The following VWA8 variants were observed in gnomAD, a reference collection of about 807,000 sequenced individuals.
VWA8 encodes the protein von Willebrand factor A domain containing 8.
VWA8 carries 221 observed loss-of-function variants against 241.5 expected under a neutral mutation model. The ratio of observed to expected loss-of-function variants is 0.91; its 90% CI spans 0.82 to 1.02. The LOEUF (loss-of-function observed/expected upper bound fraction) is 1.02, where lower values mean the gene tolerates loss of function less well. Ranked by LOEUF, VWA8 falls within the 50% of genes least tolerant of loss-of-function variation. VWA8 has a pLI of 0.00. For missense variants in VWA8, 2,322 were observed against 2,328.7 expected (o/e 1.00, Z 0.06); for synonymous variants, 852 against 827.1 (o/e 1.03, Z -0.52).
At chr13:41,839,010 T>C (rs1010653384) in intron 12 of VWA8, among the ~76,000 whole-genome samples, 2 of 152,190 alleles carry the variant, frequency 1.3e-5, no homozygotes, top group Non-Finnish European at 2.9e-5. Flanking sequence ...GGTTATATAC[T>C]GAGTAATGGG....
intron 2 of VWA8, among the ~76,000 whole-genome samples, chr13:41,948,952 A>T (rs1326138965): frequency 6.6e-6 from 1 of 151,832 alleles, no homozygotes; most frequent in African/African-American, 2.4e-5. Flanking sequence ...TGAGAAAAAA[A>T]ATACATACAC....
rs148467529 is a variant in VWA8 at position 41,716,978 on chromosome 13, G to A, written c.3116+2613C>T. Among the ~76,000 whole-genome samples, 863 of 151,870 alleles carry A rather than the reference G, an allele frequency of 5.7e-3. 9 individuals are homozygous for A. Among genetic ancestry groups the A allele is most frequent in the African/African-American group, 0.02 (814 of 41,444 alleles). ...GATTACCATCAACAGTACACTACTTGGGGGGCAGGGGTGGAAAGGGGGAAT... is the reference window on the plus strand; with the variant it reads ...GATTACCATCAACAGTACACTACTTAGGGGGCAGGGGTGGAAAGGGGGAAT... On this transcript the variant is annotated intron_variant, in intron 26 of 44. Coordinates refer to ENST00000379310, the MANE Select transcript of VWA8 (RefSeq NM_015058.2).
chr13:41,950,618 T>G (rs1018497127), intron 1 of VWA8, among the ~76,000 whole-genome samples: 3 of 151,642 alleles, frequency 2.0e-5, no homozygotes, highest in African/African-American at 7.3e-5. Flanking sequence ...TCTGCCCGCC[T>G]TGGCCTCCCA....
At chr13:41,655,149 G>A (rs892860814) in intron 37 of VWA8, among the ~76,000 whole-genome samples, 3 of 151,566 alleles carry the variant, frequency 2.0e-5, no homozygotes, top group African/African-American at 7.3e-5. Flanking sequence ...GAGTGCAGCG[G>A]CATGCTCTTG....
chr13:41,722,648 A>G (rs1022591546), intron 24 of VWA8, among the ~76,000 whole-genome samples: 3 of 152,160 alleles, frequency 2.0e-5, no homozygotes, highest in Non-Finnish European at 4.4e-5. Flanking sequence ...TCATTCATTT[A>G]CTCATCAAAT....
intron 14 of VWA8, among the ~76,000 whole-genome samples, chr13:41,822,243 A>G (rs1870989678): frequency 6.6e-6 from 1 of 152,194 alleles, no homozygotes; most frequent in African/African-American, 2.4e-5. Context: ...ATCCTATGGT[A>G]CATTTTCATT....
chr13:41,883,309 G>T, intron 9 of VWA8, 78 bp downstream of exon 9: 1 of 1,113,466 alleles, frequency 9.0e-7, no homozygotes, highest in Non-Finnish European at 1.3e-6. Context: ...GGTGGGGAAA[G>T]GAGTGAGGGG....
intron 21 of VWA8, among the ~76,000 whole-genome samples, chr13:41,744,089 A>C (rs1428738061): frequency 6.6e-6 from 1 of 152,160 alleles, no homozygotes; most frequent in Admixed American, 6.5e-5. Context: ...AGGGTGAAAA[A>C]GGCTGGCACT....
chr13:41,865,942 T>C lies in VWA8; in HGVS notation c.1307A>G (p.Gln436Arg), dbSNP rs1873273773. 1.2e-6 allele frequency: 2 copies of C among 1,614,266 alleles called. No homozygotes were observed. The highest frequency in any genetic ancestry group is 1.7e-6 in the Non-Finnish European group (2 of 1,180,040). ...SHKQLQAEMMQSHMVKDICLI... is the reference protein window; with the variant it reads ...SHKQLQAEMMRSHMVKDICLI... ...ACATATATCTTTAACCATGTGAGAC[T>C]GCATCATTTCAGCCTGTAGCTGCTT... Residue 436 changes from glutamine to arginine, a missense_variant, in exon 11 of 45, where the codon CAG becomes CGG. Physicochemically the swap from Gln to Arg is conservative, Grantham distance 43 (BLOSUM62 1). Transcript: ENST00000379310.
At chr13:41,911,130 C>T (rs1875976181) in intron 3 of VWA8, among the ~76,000 whole-genome samples, 1 of 143,294 alleles carries the variant, frequency 7.0e-6, no homozygotes, top group South Asian at 2.1e-4. Flanking sequence ...ATGGCACGAT[C>T]TTGGCTCACT....
chr13:41,927,636 T>C (rs766344618), intron 2 of VWA8, among the ~76,000 whole-genome samples: 1 of 148,738 alleles, frequency 6.7e-6, no homozygotes, highest in African/African-American at 2.5e-5. Context: ...GAGAAAGAAA[T>C]CAAAGCATAG....
chr13:41,672,292 T>C (rs764088339), intron 36 of VWA8, among the ~76,000 whole-genome samples: 1 of 152,230 alleles, frequency 6.6e-6, no homozygotes, highest in African/African-American at 2.4e-5. Flanking sequence ...CTGACATCTG[T>C]ATATGTGTGT....
intron 37 of VWA8, among the ~76,000 whole-genome samples, chr13:41,623,319 A>G (rs1192519084): frequency 2.0e-5 from 3 of 152,164 alleles, no homozygotes; most frequent in Non-Finnish European, 4.4e-5. Context: ...CTATGCCCCA[A>G]TGACATTGTT....
intron 21 of VWA8, among the ~76,000 whole-genome samples, chr13:41,735,615 A>G (rs542720610): frequency 2.4e-4 from 37 of 152,256 alleles, no homozygotes; most frequent in African/African-American, 7.9e-4. Flanking sequence ...CTAGTACATA[A>G]AAAAAGCAAA....
intron 20 of VWA8, among the ~76,000 whole-genome samples, chr13:41,773,384 G>A (rs1240652207): frequency 6.6e-6 from 1 of 152,156 alleles, no homozygotes; most frequent in African/African-American, 2.4e-5. Context: ...AATGAAACAA[G>A]GCATTTTTTA....
chr13:41,615,204 G>C, intron 37 of VWA8, 120 bp from the exon 38 acceptor site: 1 of 957,330 alleles, frequency 1.0e-6, no homozygotes, highest in Non-Finnish European at 1.5e-6. Context: ...CAGGCCACTG[G>C]ACTTGATAAA....
intron 37 of VWA8, among the ~76,000 whole-genome samples, chr13:41,670,501 A>G (rs1338059155): frequency 6.6e-6 from 1 of 150,432 alleles, no homozygotes; most frequent in African/African-American, 2.5e-5. Context: ...TTGGATGCAT[A>G]TTTTTGCTCA....
chr13:41,902,430 C>A (rs768320943), intron 4 of VWA8, among the ~76,000 whole-genome samples: 9 of 152,116 alleles, frequency 5.9e-5, no homozygotes, highest in Non-Finnish European at 1.2e-4. Context: ...TTTTTCAGTT[C>A]TTTCGTATGC....
At chr13:41,876,885 T>C in intron 9 of VWA8, among the ~76,000 whole-genome samples, 1 of 152,116 alleles carries the variant, frequency 6.6e-6, no homozygotes, top group South Asian at 2.1e-4. Flanking sequence ...ATATGAAGGT[T>C]CTTTCCCTAC....
Sources: allele counts gnomAD v4.1 joint callset (sites outside exome capture counted in the v4.1 genomes callset), GRCh38; gene constraint gnomAD v4.1.1; transcripts MANE v1.5; gene names NCBI Gene and HGNC (gene_info 2026-07-23, HGNC 2026-07-21).